Variants in ZBTB1 observed in about 807,000 individuals in gnomAD.
The protein encoded by ZBTB1 is zinc finger and BTB domain-containing protein 1.
ZBTB1 carries 13 observed loss-of-function variants against 51.6 expected under a neutral mutation model. That is an observed-to-expected ratio of 0.25 (90% CI 0.16 to 0.40). The LOEUF (loss-of-function observed/expected upper bound fraction) is 0.40. Among genes scored for constraint, ZBTB1 ranks in the 10% least tolerant of loss-of-function variants. The pLI, the probability that ZBTB1 is intolerant of heterozygous loss-of-function variation, is 1.00. For missense variants in ZBTB1, 567 were observed against 856.5 expected, an observed-to-expected ratio of 0.66 and a Z score of 4.22; for synonymous variants, 240 against 282.2, an observed-to-expected ratio of 0.85 and a Z score of 1.50.
chr14:64,514,724 C>T (rs1307341503), intron 1 of ZBTB1, among the ~76,000 whole-genome samples: 1 of 152,190 alleles, frequency 6.6e-6, no homozygotes, highest in Admixed American at 6.5e-5. Context: ...ATCACTTGCT[C>T]AATAGCATCC....
downstream of ZBTB1, among the ~76,000 whole-genome samples, chr14:64,526,063 C>T (rs978871487): frequency 3.3e-5 from 5 of 152,196 alleles, no homozygotes; most frequent in East Asian, 1.9e-4. Context: ...CGTGATCCAC[C>T]GGCTTCAGCC....
At chr14:64,530,344 C>G (rs1412598057) in intron 2 of ZBTB1, among the ~76,000 whole-genome samples, 1 of 152,174 alleles carries the variant, frequency 6.6e-6, no homozygotes, top group Non-Finnish European at 1.5e-5. Context: ...TCAGGTGGCT[C>G]ATGCCTGTAA....
rs753820883 is a variant in ZBTB1, at chr14:64,522,448, A to G, written c.944A>G (p.Glu315Gly). 9.3e-6 allele frequency: 15 copies of G among 1,614,098 alleles called. No homozygotes were observed. The East Asian group carries it at 3.3e-4, about 36-fold the overall frequency. The change falls in exon 2 of 2, where the codon GAG becomes GGG. Residue 315 changes from glutamate to glycine, a missense_variant. Glu to Gly is a moderately conservative substitution (Grantham distance 98). Around this residue, in one of 5 missense-constraint regions of ZBTB1, gnomAD observed 329 missense variants for 406.3 expected, o/e 0.81. Coordinates refer to ENST00000683701, the MANE Select transcript of ZBTB1 (RefSeq NM_001123329.2). ...STVESEIASE[E>G]KSRAAERKRI... ...GTGGAGTCTGAAATAGCAAGCGAAGAGAAAAGCAGAGCTGCTGAGAGGAAA... is the reference window on the plus strand; with the variant it reads ...GTGGAGTCTGAAATAGCAAGCGAAGGGAAAAGCAGAGCTGCTGAGAGGAAA...
At chr14:64,507,190 A>G (rs562614148) in intron 1 of ZBTB1, among the ~76,000 whole-genome samples, 1 of 151,928 alleles carries the variant, frequency 6.6e-6, no homozygotes, top group Non-Finnish European at 1.5e-5. Flanking sequence ...TTGTCTTCCC[A>G]AAAAAAATGA....
chr14:64,526,328 C>T (rs556607103), downstream of ZBTB1, among the ~76,000 whole-genome samples: 1 of 152,304 alleles, frequency 6.6e-6, no homozygotes, highest in South Asian at 2.1e-4. Flanking sequence ...CCTTCCTCTC[C>T]TGGGGCAGAG....
At chr14:64,517,218 T>C (rs1239992238) in intron 1 of ZBTB1, among the ~76,000 whole-genome samples, 1 of 152,228 alleles carries the variant, frequency 6.6e-6, no homozygotes, top group East Asian at 1.9e-4. Context: ...AATCCTCATA[T>C]ATGATACTGT....
chr14:64,510,878 G>C (rs1429604474), intron 1 of ZBTB1, among the ~76,000 whole-genome samples: 1 of 152,196 alleles, frequency 6.6e-6, no homozygotes, highest in Non-Finnish European at 1.5e-5. Flanking sequence ...TGAGAGACTG[G>C]TTGAGCCTAT....
Position 64,521,718 on chromosome 14 carries a change from G to A in ZBTB1, c.214G>A (p.Ala72Thr). 6.2e-7 allele frequency: 1 copy of A among 1,613,956 alleles called. No homozygotes were observed. ...QLNLSNMKIS[A>T]ECFDLILQFM... Reference sequence around the variant, plus strand: ...GAATCTCAGCAACATGAAAATTAGTGCAGAATGTTTTGATCTCATTTTGCA... The same window carrying A: ...GAATCTCAGCAACATGAAAATTAGTACAGAATGTTTTGATCTCATTTTGCA... Residue 72 changes from alanine (A) to threonine (T), a missense_variant, in exon 2 of 2, where the codon GCA (alanine) becomes ACA (threonine). By Grantham distance (58) the Ala-to-Thr change is moderately conservative. Coordinates refer to ENST00000683701, the MANE Select transcript of ZBTB1 (RefSeq NM_001123329.2).
In ZBTB1 at chr14:64,522,627, G is replaced by A. The variant is rs776546124; in HGVS notation, c.1123G>A (p.Glu375Lys). 6 of 1,614,038 alleles carry A rather than the reference G, an allele frequency of 3.7e-6. No homozygotes were observed. Among genetic ancestry groups the A allele is most frequent in the South Asian group, 1.1e-5 (1 of 91,082 alleles). ...PEEPFYRYYV[E>K]EDVSIKKSGR... ...AGAGCCATTTTATAGATACTATGTT[G>A]AAGAAGATGTCAGCATAAAAAAAAG... The change falls in exon 2 of 2, where the codon GAA (glutamate) becomes AAA (lysine). Residue 375 changes from glutamate to lysine, a missense_variant. This residue lies in a region of ZBTB1 where 329 missense variants were observed against 406.3 expected (regional missense o/e 0.81). Transcript: ENST00000683701.
At chr14:64,518,916 A>ATT (rs1285375863) in intron 1 of ZBTB1, among the ~76,000 whole-genome samples, 2 of 137,550 alleles carry the variant, frequency 1.5e-5, no homozygotes, top group Non-Finnish European at 3.1e-5. Context: ...ATATATATAT[A>ATT]TATATATATA....
At chr14:64,515,558 T>A (rs2140124529) in intron 1 of ZBTB1, among the ~76,000 whole-genome samples, 1 of 150,834 alleles carries the variant, frequency 6.6e-6, no homozygotes, top group Admixed American at 6.6e-5. Flanking sequence ...TCTTGCTCTG[T>A]CGCCCAGGCT....
intron 1 of ZBTB1, chr14:64,516,718 A>T (rs545018960): frequency 6.6e-6 from 1 of 152,364 alleles, no homozygotes; most frequent in African/African-American, 2.4e-5. Flanking sequence ...ACTGCTGATG[A>T]TCAACACTTT....
At chr14:64,531,129 A>G (rs1482950031) in intron 2 of ZBTB1, among the ~76,000 whole-genome samples, 1 of 152,158 alleles carries the variant, frequency 6.6e-6, no homozygotes, top group Non-Finnish European at 1.5e-5. Context: ...TTCTCCTTAA[A>G]CTAACTGCTC....
chr14:64,522,675 C>T lies in ZBTB1; in HGVS notation c.1171C>T (p.Arg391Ter). 1 of 1,614,086 alleles carries T rather than the reference C, an allele frequency of 6.2e-7. No homozygotes were observed. The highest frequency in any genetic ancestry group is 8.5e-7 in the Non-Finnish European group (1 of 1,180,006). Reference sequence around the variant, plus strand: ...AAGTGGTAGGAAAACTCTAAAACCTCGAATGTCAGTAAGTGCTGATGAAAG... The same window carrying T: ...AAGTGGTAGGAAAACTCTAAAACCTTGAATGTCAGTAAGTGCTGATGAAAG... Reference protein sequence around the residue: ...KKSGRKTLKPRMSVSADERGG... With the variant: ...KKSGRKTLKP The change falls in exon 2 of 2, where the codon CGA becomes TGA. Residue 391 changes from arginine to a stop codon, truncating the protein, a stop_gained. Transcript: ENST00000683701. LOFTEE classifies it high-confidence loss of function.
At chr14:64,505,043 G>A (rs888692120) in intron 1 of ZBTB1, 97 bp downstream of exon 1, 8 of 376,974 alleles carry the variant, frequency 2.1e-5, no homozygotes, top group Admixed American at 1.4e-4. Flanking sequence ...CCGGAGGGGC[G>A]CCGATCCGTG....
intron 1 of ZBTB1, among the ~76,000 whole-genome samples, chr14:64,519,529 C>T (rs951601494): frequency 1.3e-4 from 19 of 150,284 alleles, no homozygotes; most frequent in South Asian, 2.1e-4. Flanking sequence ...TTTGGAAGCC[C>T]GAGGCAGGAG....
chr14:64,531,854 G>A lies in ZBTB1; in HGVS notation c.1899-7G>A, dbSNP rs747691929. ...TTTCTTGAGTTTTGTCTTTTTCTGTGTGGCAGTGGTGAAATAGGGCCTTCT... is the reference window on the plus strand; with the variant it reads ...TTTCTTGAGTTTTGTCTTTTTCTGTATGGCAGTGGTGAAATAGGGCCTTCT... On this transcript the variant is annotated splice_region_variant and splice_polypyrimidine_tract_variant and intron_variant, in intron 2 of 2. Coordinates refer to the ZBTB1 transcript ENST00000358738. 5 of 1,613,566 alleles carry A rather than the reference G, an allele frequency of 3.1e-6. No individual in the cohort carries two copies. In the African/African-American group the frequency reaches 5.3e-5, roughly 17 times the overall value.
chr14:64,523,798 G>T lies in ZBTB1; in HGVS notation c.*152G>T. 2 of 1,347,352 alleles carry T rather than the reference G, an allele frequency of 1.5e-6. No homozygotes were observed. The highest frequency in any genetic ancestry group is 4.3e-5 in the South Asian group (2 of 46,904). The allele number at this position is 1,347,352 out of a possible 1,614,324, so 83.5% of individuals were successfully genotyped here. On this transcript the variant is annotated 3_prime_UTR_variant, in exon 2 of 2. Coordinates refer to ENST00000683701, the MANE Select transcript of ZBTB1 (RefSeq NM_001123329.2). This position sits in a 1 kb window ranked among gnomAD's most constrained non-coding sequence, Gnocchi z 4.5. ...TTAATATTTTTGTTTAGGATTTTAAGTATCTACATTTAGGTATTAAATGTT... is the reference window on the plus strand; with the variant it reads ...TTAATATTTTTGTTTAGGATTTTAATTATCTACATTTAGGTATTAAATGTT...
chr14:64,503,732 G>T, upstream of ZBTB1: 2 of 507,080 alleles, frequency 3.9e-6, no homozygotes, highest in Non-Finnish European at 5.1e-6. Context: ...CGCACTGCAA[G>T]CAGTGGCGCC....
Sources: gnomAD v4.1 joint callset for allele counts (sites outside exome capture counted in the v4.1 genomes callset) on GRCh38, gnomAD v4.1.1 for gene constraint, gnomAD v4.1.1 regional missense constraint, Gnocchi (gnomAD v3.1) non-coding constraint, MANE v1.5 for transcripts, NCBI Gene and HGNC (gene_info 2026-07-23, HGNC 2026-07-21) for gene names.